Variants in GLG1 observed in about 807,000 individuals in gnomAD.
GLG1 encodes the protein golgi glycoprotein 1.
Under a neutral mutation model 160.5 loss-of-function variants are expected in GLG1, and 38 were observed. The observed-to-expected ratio is 0.24, with a 90% CI of 0.18 to 0.31. The LOEUF (loss-of-function observed/expected upper bound fraction) is 0.31. GLG1 is among the 10% of genes least tolerant of loss of function. The pLI is 1.00. For missense variants in GLG1, 1,373 were observed against 1,505.2 expected, an observed-to-expected ratio of 0.91 and a Z score of 1.45; for synonymous variants, 644 against 543.4, an observed-to-expected ratio of 1.19 and a Z score of -2.57.
At chr16:74,595,570 ATTCTCCCAACCATT>A (rs1233751169) in intron 1 of GLG1, among the ~76,000 whole-genome samples, 1 of 152,118 alleles carries the variant, frequency 6.6e-6, no homozygotes, top group African/African-American at 2.4e-5. Context: ...TTTTTTTCTG[ATTCTCCCAACCATT>A]TCCTGTACTG....
intron 1 of GLG1, among the ~76,000 whole-genome samples, chr16:74,603,576 G>C (rs1457253849): frequency 6.6e-6 from 1 of 151,632 alleles, no homozygotes; most frequent in Non-Finnish European, 1.5e-5. Context: ...GCGCCCGGCT[G>C]AACACCACAA....
intron 12 of GLG1, 78 bp downstream of exon 12, chr16:74,477,318 G>T: frequency 9.8e-7 from 1 of 1,020,846 alleles, no homozygotes; most frequent in South Asian, 1.3e-5. Context: ...TGGATTTTAT[G>T]GTGTTTGTAC....
chr16:74,495,700 T>C (rs1204184469), intron 5 of GLG1, among the ~76,000 whole-genome samples: 2 of 152,220 alleles, frequency 1.3e-5, no homozygotes, highest in Admixed American at 1.3e-4. Context: ...GTCAAAGTTT[T>C]AGCCATTGAA....
At chr16:74,584,640 T>G (rs1958007078) in intron 1 of GLG1, among the ~76,000 whole-genome samples, 1 of 151,988 alleles carries the variant, frequency 6.6e-6, no homozygotes, top group Non-Finnish European at 1.5e-5. Context: ...CACTGGGGGC[T>G]GGGCACGGTG....
chr16:74,500,902 A>G (rs1014363368), intron 4 of GLG1, among the ~76,000 whole-genome samples: 2 of 152,216 alleles, frequency 1.3e-5, no homozygotes, highest in African/African-American at 2.4e-5. Context: ...TCTAAAATTT[A>G]TATTAACATT....
intron 18 of GLG1, 39 bp downstream of exon 18, chr16:74,467,717 C>T (rs1567461098): frequency 1.6e-6 from 2 of 1,248,542 alleles, no homozygotes. Flanking sequence ...ATTACCTTCA[C>T]ATTACTTTTA....
intron 1 of GLG1, among the ~76,000 whole-genome samples, chr16:74,565,430 A>G (rs2143756375): frequency 6.6e-6 from 1 of 152,364 alleles, no homozygotes; most frequent in African/African-American, 2.4e-5. Flanking sequence ...GTTCGGGCCT[A>G]AAGATTTCTC....
rs551119964 is a variant in GLG1, at chr16:74,493,908, T to TCACACCGAGGATTTTATATAAAAC, written c.1051-769_1051-768insGTTTTATATAAAATCCTCGGTGTG. ...TAATATCTGAGAATTTTATATAAAA[T>TCACACCGAGGATTTTATATAAAAC]CACACTGAGGATTTTATATAAAACC... On this transcript the variant is annotated intron_variant, in intron 6 of 25. Transcript: ENST00000422840. 1.0e-3 allele frequency among the ~76,000 whole-genome samples: 153 copies of TCACACCGAGGATTTTATATAAAAC among 152,232 alleles called. 1 individual carries two copies. Among genetic ancestry groups the TCACACCGAGGATTTTATATAAAAC allele is most frequent in the African/African-American group, 3.3e-3 (139 of 41,530 alleles).
In GLG1 at chr16:74,452,784, T is replaced by A; in HGVS notation, c.*383A>T. The stretch of plus-strand genomic sequence containing the variant: ...CAAGCCTGGAGGAGATGCGTTACTA[T>A]ATACATTTTTTTCTTTAAAAAAATT... On this transcript the variant is annotated 3_prime_UTR_variant, in exon 26 of 26. Transcript: ENST00000422840. 1.2e-5 allele frequency: 12 copies of A among 995,178 alleles called. 1 individual carries two copies. The South Asian group carries it at 5.5e-4, about 46-fold the overall frequency. 61.6% of individuals were successfully genotyped at this position (995,178 alleles called of 1,614,324 possible).
chr16:74,501,984 T>G (rs2016420385), intron 4 of GLG1, among the ~76,000 whole-genome samples: 1 of 152,230 alleles, frequency 6.6e-6, no homozygotes, highest in Non-Finnish European at 1.5e-5. Flanking sequence ...GGAAAGGGCA[T>G]CAGGGCTTTG....
chr16:74,454,666 CAAAAAAAAAAAAA>C lies in GLG1; in HGVS notation c.3373-1345_3373-1333del, dbSNP rs58759187. Among the ~76,000 whole-genome samples, 25 of 38,536 alleles carry C rather than the reference CAAAAAAAAAAAAA, an allele frequency of 6.5e-4. No individual in the cohort carries two copies. In the East Asian group the frequency reaches 0.016, roughly 24 times the overall value. The allele number at this position is 38,536 out of a possible 152,430, so 25.3% of individuals were successfully genotyped here. The stretch of plus-strand genomic sequence containing the variant: ...GGGCAACAGGACGAGAATCCGTCCC[CAAAAAAAAAAAAA>C]AAAAAAAAAAAAAAAAAAAAATTTT... On this transcript the variant is annotated intron_variant, in intron 25 of 25. Coordinates refer to ENST00000422840, the MANE Select transcript of GLG1 (RefSeq NM_001145667.2).
intron 1 of GLG1, among the ~76,000 whole-genome samples, chr16:74,603,168 T>C (rs560061546): frequency 6.6e-6 from 1 of 151,996 alleles, no homozygotes; most frequent in East Asian, 1.9e-4. Flanking sequence ...TCCCAGCACT[T>C]TGGGAGACCA....
chr16:74,497,631 G>T (rs1420462507), intron 4 of GLG1, among the ~76,000 whole-genome samples: 2 of 151,848 alleles, frequency 1.3e-5, no homozygotes, highest in Non-Finnish European at 2.9e-5. Flanking sequence ...TAGAGACGGG[G>T]TTTCACCGTG....
chr16:74,523,217 T>C (rs2017226198), intron 2 of GLG1, among the ~76,000 whole-genome samples: 1 of 152,244 alleles, frequency 6.6e-6, no homozygotes, highest in South Asian at 2.1e-4. Flanking sequence ...GAAATTTTAC[T>C]GTTTTACTTT....
chr16:74,517,935 G>A (rs1204312419), intron 2 of GLG1, among the ~76,000 whole-genome samples: 1 of 152,132 alleles, frequency 6.6e-6, no homozygotes, highest in Non-Finnish European at 1.5e-5. Context: ...AATCATGAGT[G>A]AACTCCCATT....
intron 1 of GLG1, among the ~76,000 whole-genome samples, chr16:74,551,290 C>T (rs1455106228): frequency 2.0e-5 from 3 of 151,872 alleles, no homozygotes; most frequent in Non-Finnish European, 2.9e-5. Context: ...AGTGCTATAT[C>T]TTATTTTATT....
At chr16:74,518,793 A>T (rs2017066285) in intron 2 of GLG1, among the ~76,000 whole-genome samples, 1 of 152,192 alleles carries the variant, frequency 6.6e-6, no homozygotes, top group African/African-American at 2.4e-5. Context: ...TTTGCAATCT[A>T]TCCATGTGAC....
intron 8 of GLG1, among the ~76,000 whole-genome samples, chr16:74,487,123 A>T (rs1238884968): frequency 1.3e-5 from 2 of 152,170 alleles, no homozygotes; most frequent in Non-Finnish European, 2.9e-5. Context: ...CACGTTGGCC[A>T]GGCTGGTCTT....
chr16:74,513,136 G>A (rs1351775268), intron 2 of GLG1, among the ~76,000 whole-genome samples: 1 of 152,110 alleles, frequency 6.6e-6, no homozygotes, highest in Non-Finnish European at 1.5e-5. Context: ...GGAAATGGAA[G>A]GTTAATGGAT....
Sources: allele counts gnomAD v4.1 joint callset (sites outside exome capture counted in the v4.1 genomes callset), GRCh38; gene constraint gnomAD v4.1.1; transcripts MANE v1.5; gene names NCBI Gene and HGNC (gene_info 2026-07-23, HGNC 2026-07-21).